The following PITPNM3 variants were observed in gnomAD, a reference collection of about 807,000 sequenced individuals.
PITPNM3 encodes the protein membrane-associated phosphatidylinositol transfer protein 3.
PITPNM3 carries 26 observed loss-of-function variants against 102.0 expected under a neutral mutation model. The observed-to-expected ratio is 0.25, with a 90% CI of 0.19 to 0.35. The LOEUF (loss-of-function observed/expected upper bound fraction) is 0.35. Among genes scored for constraint, PITPNM3 ranks in the 10% least tolerant of loss-of-function variants. The pLI is 1.00. For synonymous variants in PITPNM3, 578 were observed against 558.6 expected (o/e 1.03, Z -0.49); for missense variants, 1,083 against 1,346.1 (o/e 0.80, Z 3.06).
intron 3 of PITPNM3, among the ~76,000 whole-genome samples, chr17:6,518,937 G>A (rs1157211080): frequency 6.6e-6 from 1 of 152,152 alleles, no homozygotes; most frequent in Non-Finnish European, 1.5e-5. Context: ...GATCCAACCA[G>A]AAAGCCCGCT....
chr17:6,534,664 G>A (rs1909318000), intron 2 of PITPNM3, among the ~76,000 whole-genome samples: 1 of 152,226 alleles, frequency 6.6e-6, no homozygotes, highest in Admixed American at 6.5e-5. Flanking sequence ...TTAGTGCACT[G>A]AGGAGGAAGG....
chr17:6,468,468 T>C lies in PITPNM3; in HGVS notation c.1774-127A>G. ...CCTGCAACCCCCCAACCTCACAGCC[T>C]GGAACCGTCAGGAGGCCGCAGACCC... On this transcript the variant is annotated intron_variant, in intron 13 of 19. Transcript: ENST00000262483. The surrounding 1 kb of genome is among the most constrained non-coding windows in gnomAD (Gnocchi z 5.2). The C allele has an allele frequency of 1.1e-6, 1 of 935,470 alleles. No homozygotes were observed. Among genetic ancestry groups the C allele is most frequent in the Admixed American group, 1.8e-5 (1 of 56,634 alleles). The allele number at this position is 935,470 out of a possible 1,614,324, so 57.9% of individuals were successfully genotyped here.
In PITPNM3 at chr17:6,517,193, C is replaced by A. The variant is rs1908236357; in HGVS notation, c.226+8163G>T. Among the ~76,000 whole-genome samples the A allele has an allele frequency of 6.6e-6, 1 of 152,202 alleles. No individual in the cohort carries two copies. Among genetic ancestry groups the A allele is most frequent in the Non-Finnish European group, 1.5e-5 (1 of 68,042 alleles). On this transcript the variant is annotated intron_variant, in intron 3 of 19. Transcript: ENST00000262483. The surrounding 1 kb of genome is among the most constrained non-coding windows in gnomAD (Gnocchi z 4.1). ...AGAGAAAGTAAATCCAAGAAGAAGT[C>A]AGGAAATTGAGGAAGTAGCAGTGAG...
Position 6,545,643 on chromosome 17 carries a change from G to T in PITPNM3, c.23-7561C>A, listed in dbSNP as rs796602841. ...CCTCTCCAGGCCTTTCCTCCTGCAG[G>T]TCCTGATGCCTGAAACGTCTTCTAT... On this transcript the variant is annotated intron_variant, in intron 1 of 19. Coordinates refer to ENST00000262483, the MANE Select transcript of PITPNM3 (RefSeq NM_031220.4). Among the ~76,000 whole-genome samples the T allele has an allele frequency of 9.9e-5, 15 of 152,240 alleles. No individual in the cohort carries two copies. The South Asian group carries it at 2.9e-3, about 29-fold the overall frequency.
chr17:6,480,139 T>G (rs1905575783), intron 6 of PITPNM3: 1 of 152,208 alleles, frequency 6.6e-6, no homozygotes, highest in African/African-American at 2.4e-5. Context: ...AATCAGCCAC[T>G]GCTGGAGGGA....
In PITPNM3 at chr17:6,483,501, G is replaced by A. The variant is rs768902171; in HGVS notation, c.587+16C>T. On this transcript the variant is annotated intron_variant, in intron 6 of 19. Transcript: ENST00000262483. ...CACCAACCCCAACCAGTTCAAACAA[G>A]CAGAAATGGACTCACTGAGAGACAA... The A allele has an allele frequency of 6.2e-7, 1 of 1,606,618 alleles. No individual in the cohort carries two copies. Among genetic ancestry groups the A allele is most frequent in the South Asian group, 1.1e-5 (1 of 90,304 alleles).
chr17:6,508,697 C>T (rs1233585203), intron 3 of PITPNM3, among the ~76,000 whole-genome samples: 1 of 152,194 alleles, frequency 6.6e-6, no homozygotes, highest in East Asian at 1.9e-4. Context: ...TTCGTCTCTC[C>T]TGCAGCGCAG....
intron 4 of PITPNM3, among the ~76,000 whole-genome samples, chr17:6,487,721 C>T (rs1410570851): frequency 6.6e-6 from 1 of 152,210 alleles, no homozygotes; most frequent in Non-Finnish European, 1.5e-5. Context: ...CCAAGGAGCA[C>T]CTCCATCTTT....
At chr17:6,539,471 A>T (rs1354587525) in intron 1 of PITPNM3, among the ~76,000 whole-genome samples, 1 of 152,340 alleles carries the variant, frequency 6.6e-6, no homozygotes, top group African/African-American at 2.4e-5. Context: ...AATCTATATT[A>T]AAAAAACTAC....
chr17:6,457,092 A>T lies in PITPNM3; in HGVS notation c.2619+502T>A, dbSNP rs953920776. Among the ~76,000 whole-genome samples the T allele has an allele frequency of 4.0e-5, 6 of 149,944 alleles. No homozygotes were observed. Among genetic ancestry groups the T allele is most frequent in the Admixed American group, 4.0e-4 (6 of 15,112 alleles). On this transcript the variant is annotated intron_variant, in intron 19 of 19. Transcript: ENST00000262483. This position sits in a 1 kb window ranked among gnomAD's most constrained non-coding sequence, Gnocchi z 4.7. ...GCCCCGCCCCCCCACCTCCCAGCTC[A>T]CGTCCCATGCAGCCAAGCTGAGTCA...
chr17:6,507,930 T>G (rs1597391787), intron 3 of PITPNM3, among the ~76,000 whole-genome samples: 2 of 146,004 alleles, frequency 1.4e-5, no homozygotes, highest in Non-Finnish European at 1.5e-5. Flanking sequence ...GGTGGGGAGG[T>G]GGGAAAGTTG....
chr17:6,461,631 G>T, intron 17 of PITPNM3, 75 bp from the exon 18 acceptor site: 7 of 1,525,718 alleles, frequency 4.6e-6, no homozygotes, highest in Non-Finnish European at 6.4e-6. Context: ...TGCCCTGCCC[G>T]CAGCTGCCCT....
At chr17:6,471,815 G>A (rs1053951452) in intron 11 of PITPNM3, among the ~76,000 whole-genome samples, 3 of 152,190 alleles carry the variant, frequency 2.0e-5, no homozygotes, top group Non-Finnish European at 4.4e-5. Flanking sequence ...AGCCTCAGGG[G>A]AGGGAGGGGA....
In PITPNM3 at chr17:6,453,998, G is replaced by A. The variant is rs1913974187; in HGVS notation, c.*1340C>T. On this transcript the variant is annotated 3_prime_UTR_variant, in exon 20 of 20. Transcript: ENST00000262483. ...TGAGCAGGCTTTAGGGGCCCCAGAA[G>A]GGCCAAGTCCTGCCAACCTCAGGGG... The A allele has an allele frequency of 6.6e-6, 1 of 152,440 alleles. No individual in the cohort carries two copies. The highest frequency in any genetic ancestry group is 1.5e-5 in the Non-Finnish European group (1 of 68,182). The allele number at this position is 152,440 out of a possible 1,614,324, so 9.4% of individuals were successfully genotyped here.
At chr17:6,509,330 C>A (rs1158638666) in intron 3 of PITPNM3, among the ~76,000 whole-genome samples, 1 of 152,212 alleles carries the variant, frequency 6.6e-6, no homozygotes, top group Non-Finnish European at 1.5e-5. Flanking sequence ...AAGTGTGTGG[C>A]AAACTTCTGA....
chr17:6,548,063 G>C (rs568264753), intron 1 of PITPNM3, among the ~76,000 whole-genome samples: 3 of 152,096 alleles, frequency 2.0e-5, no homozygotes, highest in South Asian at 2.1e-4. Flanking sequence ...TCAATGAAAC[G>C]ACCAGCTTTT....
chr17:6,504,938 A>G (rs1189773654), intron 3 of PITPNM3, among the ~76,000 whole-genome samples: 1 of 151,982 alleles, frequency 6.6e-6, no homozygotes, highest in African/African-American at 2.4e-5. Flanking sequence ...ACTTTGGGAG[A>G]CAGAGGTGGG....
intron 3 of PITPNM3, among the ~76,000 whole-genome samples, chr17:6,511,901 C>T (rs998234713): frequency 6.6e-6 from 1 of 152,150 alleles, no homozygotes; most frequent in Non-Finnish European, 1.5e-5. Context: ...ACTGAGATCA[C>T]ACCACTGCAC....
intron 1 of PITPNM3, among the ~76,000 whole-genome samples, chr17:6,554,458 G>C (rs369106412): frequency 1.3e-5 from 2 of 152,184 alleles, no homozygotes; most frequent in African/African-American, 4.8e-5. Flanking sequence ...CCAGGCACTG[G>C]ATCTACAGAC....
Sources: gnomAD v4.1 joint callset for allele counts (sites outside exome capture counted in the v4.1 genomes callset) on GRCh38, gnomAD v4.1.1 for gene constraint, Gnocchi (gnomAD v3.1) non-coding constraint, MANE v1.5 for transcripts, NCBI Gene and HGNC (gene_info 2026-07-23, HGNC 2026-07-21) for gene names.